KANSL1: variants seen among roughly 807,000 people sequenced by gnomAD.
KANSL1 encodes MLL1/MLL complex subunit KANSL1.
In KANSL1, 22 loss-of-function variants were observed where a neutral mutation model predicts 103.6. The ratio of observed to expected loss-of-function variants is 0.21; its 90% CI spans 0.15 to 0.30. The LOEUF (loss-of-function observed/expected upper bound fraction) is 0.30. Among genes scored for constraint, KANSL1 ranks in the 10% least tolerant of loss-of-function variants. The pLI is 1.00. For synonymous variants in KANSL1, 600 were observed against 527.6 expected, an observed-to-expected ratio of 1.14 and a Z score of -1.88; for missense variants, 1,337 against 1,399.8, an observed-to-expected ratio of 0.96 and a Z score of 0.72.
chr17:46,123,858 C>G (rs918960128), intron 2 of KANSL1, among the ~76,000 whole-genome samples: 1 of 152,166 alleles, frequency 6.6e-6, no homozygotes, highest in Non-Finnish European at 1.5e-5. Context: ...CTAAGATCAT[C>G]GATGAAGATG....
chr17:46,084,992 T>C (rs776686465), intron 3 of KANSL1, among the ~76,000 whole-genome samples: 3 of 152,204 alleles, frequency 2.0e-5, no homozygotes, highest in Non-Finnish European at 2.9e-5. Context: ...CAAACTGTCT[T>C]CCTGCTTCCT....
intron 2 of KANSL1, among the ~76,000 whole-genome samples, chr17:46,125,198 G>A (rs55669501): frequency 0.14 from 21,612 of 151,832 alleles, 2,122 homozygotes; most frequent in Non-Finnish European, 0.22. Flanking sequence ...CATGGAGATA[G>A]GACCTTCCAC....
At chr17:46,095,109 A>G (rs1352456391) in intron 2 of KANSL1, among the ~76,000 whole-genome samples, 1 of 150,018 alleles carries the variant, frequency 6.7e-6, no homozygotes, top group Non-Finnish European at 1.5e-5. Flanking sequence ...ATATTTAAAA[A>G]CTAATAAAGT....
chr17:46,165,492 A>C (rs1210106823), intron 2 of KANSL1, among the ~76,000 whole-genome samples: 1 of 151,686 alleles, frequency 6.6e-6, no homozygotes, highest in East Asian at 2.0e-4. Context: ...TCAGCCTCCC[A>C]AAGTGCTGGG....
At chr17:46,055,827 T>C (rs1282828619) in intron 6 of KANSL1, among the ~76,000 whole-genome samples, 1 of 152,076 alleles carries the variant, frequency 6.6e-6, no homozygotes, top group African/African-American at 2.4e-5. Flanking sequence ...AAAGTATATA[T>C]GACAGTTTAT....
rs1182576324 is a variant in KANSL1, at chr17:46,092,702, G to GTTTT, written c.1431+1854_1431+1857dup. Among the ~76,000 whole-genome samples, 29 of 33,436 alleles carry GTTTT rather than the reference G, an allele frequency of 8.7e-4. 2 individuals carry two copies. Among genetic ancestry groups the GTTTT allele is most frequent in the African/African-American group, 4.3e-3 (27 of 6,284 alleles). 21.9% of individuals were successfully genotyped at this position (33,436 alleles called of 152,430 possible). The stretch of plus-strand genomic sequence containing the variant: ...CGAGATAATTTTGAGCTGTTGGGTT[G>GTTTT]TTTTTTTTTTTTTGGGGGGGGGGGG... On this transcript the variant is annotated intron_variant, in intron 3 of 14. Coordinates refer to ENST00000432791, the MANE Select transcript of KANSL1 (RefSeq NM_015443.4).
At chr17:46,074,130 A>T (rs2146732985) in intron 4 of KANSL1, among the ~76,000 whole-genome samples, 1 of 152,292 alleles carries the variant, frequency 6.6e-6, no homozygotes, top group East Asian at 1.9e-4. Flanking sequence ...TAATAAAAGG[A>T]ACCTGAGCTG....
intron 6 of KANSL1, among the ~76,000 whole-genome samples, chr17:46,065,269 T>C (rs1022895912): frequency 1.5e-4 from 23 of 151,960 alleles, no homozygotes; most frequent in African/African-American, 5.6e-4. Context: ...GTGCCTAGCC[T>C]CTCTCCAAGA....
At chr17:46,173,174 C>T (rs2046367515) in intron 1 of KANSL1, among the ~76,000 whole-genome samples, 1 of 152,188 alleles carries the variant, frequency 6.6e-6, no homozygotes, top group South Asian at 2.1e-4. Flanking sequence ...CTCTTCTCTT[C>T]CTCCTGGACC....
chr17:46,084,763 A>T (rs1043488535), intron 3 of KANSL1, among the ~76,000 whole-genome samples: 1 of 151,446 alleles, frequency 6.6e-6, no homozygotes. Flanking sequence ...AAGGCCATTA[A>T]CTAGTAAGCA....
intron 2 of KANSL1, among the ~76,000 whole-genome samples, chr17:46,144,110 A>G (rs2696592): frequency 3.3e-5 from 5 of 152,134 alleles, no homozygotes; most frequent in African/African-American, 1.2e-4. Context: ...ACGAAAAATT[A>G]TAATTAGGTC....
upstream of KANSL1, among the ~76,000 whole-genome samples, chr17:46,195,672 C>G (rs1267659047): frequency 6.6e-6 from 1 of 152,220 alleles, no homozygotes; most frequent in African/African-American, 2.4e-5. Context: ...CCTACCTCAG[C>G]CTCTTGAGTA....
intron 1 of KANSL1, among the ~76,000 whole-genome samples, chr17:46,200,216 C>A (rs556345613): frequency 5.3e-5 from 8 of 152,138 alleles, no homozygotes; most frequent in Admixed American, 4.6e-4. Context: ...AAGCAATCTA[C>A]GCAGGACCCA....
chr17:46,056,970 T>G (rs1273523117), intron 6 of KANSL1, among the ~76,000 whole-genome samples: 1 of 152,182 alleles, frequency 6.6e-6, no homozygotes, highest in Non-Finnish European at 1.5e-5. Flanking sequence ...TTGCCAAATG[T>G]CTCCTGTGAG....
At position 46,183,034 on chromosome 17, in the gene KANSL1, T is replaced by C. The variant is rs186187728; in HGVS notation, c.-90+9789A>G. Among the ~76,000 whole-genome samples the C allele has an allele frequency of 9.8e-5, 15 of 152,328 alleles. No individual in the cohort carries two copies. In the East Asian group the frequency reaches 1.2e-3, roughly 12 times the overall value. ...AAGCAGCAGTAAAGAGAGACACTAC[T>C]GTGTGATTTGGGGGATGGAGGCAAT... is the stretch of plus-strand genomic sequence containing the variant. On this transcript the variant is annotated intron_variant, in intron 1 of 14. Transcript: ENST00000432791.
chr17:46,062,085 C>T lies in KANSL1; in HGVS notation c.1848+4452G>A, dbSNP rs544242594. Among the ~76,000 whole-genome samples the T allele has an allele frequency of 5.2e-3, 524 of 101,744 alleles. 3 individuals carry two copies. Among genetic ancestry groups the T allele is most frequent in the Middle Eastern group, 0.021 (3 of 142 alleles). 66.7% of individuals were successfully genotyped at this position (101,744 alleles called of 152,430 possible). A position where few individuals can be genotyped will look rare whatever the true frequency, so the allele number is the denominator to read the frequency against. On this transcript the variant is annotated intron_variant, in intron 6 of 14. Coordinates refer to ENST00000432791, the MANE Select transcript of KANSL1 (RefSeq NM_015443.4). ...CCAGCCTGGGTGACAGATCAAGACT[C>T]CGACTCAAAAAAAAAAAAAAAAAAC...
In KANSL1 at chr17:46,171,705, T is replaced by C. The variant is rs761775758; in HGVS notation, c.439A>G (p.Thr147Ala). Residue 147 changes from threonine (T) to alanine (A), a missense_variant, in exon 2 of 15, where the codon ACA (threonine) becomes GCA (alanine). Thr to Ala is a moderately conservative substitution (Grantham distance 58). This residue lies in a region of KANSL1 where 557 missense variants were observed against 476.4 expected (regional missense o/e 1.17). Coordinates refer to ENST00000432791, the MANE Select transcript of KANSL1 (RefSeq NM_015443.4). ...NLRTMNTSGQ[T>A]ALPQAPVNGL... is the part of the protein sequence containing the mutation. ...TTTACAGGTGCTTGTGGCAGAGCTG[T>C]CTGACCACTCGTATTCATGGTTCTA... The C allele has an allele frequency of 3.1e-5, 48 of 1,559,544 alleles. No homozygotes were observed. Among genetic ancestry groups the C allele is most frequent in the Non-Finnish European group, 4.1e-5 (47 of 1,157,256 alleles).
chr17:46,082,778 C>G (rs1241024106), intron 3 of KANSL1, among the ~76,000 whole-genome samples: 1 of 152,136 alleles, frequency 6.6e-6, no homozygotes, highest in African/African-American at 2.4e-5. Flanking sequence ...CATGGCTCAT[C>G]AGCCATTTAG....
At chr17:46,150,581 T>C (rs899707888) in intron 2 of KANSL1, among the ~76,000 whole-genome samples, 6 of 152,232 alleles carry the variant, frequency 3.9e-5, no homozygotes, top group African/African-American at 1.2e-4. Context: ...TAAATTCCTT[T>C]ACATAACATA....
Sources: allele counts gnomAD v4.1 joint callset (sites outside exome capture counted in the v4.1 genomes callset), GRCh38; gene constraint gnomAD v4.1.1; regional missense constraint gnomAD v4.1.1; transcripts MANE v1.5; gene names NCBI Gene and HGNC (gene_info 2026-07-23, HGNC 2026-07-21).